Variants in LRP2 observed in about 807,000 individuals in gnomAD.
The protein encoded by LRP2 is low-density lipoprotein receptor-related protein 2.
Under a neutral mutation model 531.0 loss-of-function variants are expected in LRP2, and 172 were observed. The ratio of observed to expected loss-of-function variants is 0.32; its 90% CI spans 0.29 to 0.37. LRP2 has a LOEUF of 0.37. Among genes scored for constraint, LRP2 ranks in the 10% least tolerant of loss-of-function variants. The pLI, the probability that LRP2 is intolerant of heterozygous loss-of-function variation, is 1.00. For missense variants in LRP2, 5,167 were observed against 5,868.3 expected, an observed-to-expected ratio of 0.88 and a Z score of 3.90; for synonymous variants, 1,992 against 2,027.6, an observed-to-expected ratio of 0.98 and a Z score of 0.47.
chr2:169,328,434 G>A (rs1166420804), intron 1 of LRP2, among the ~76,000 whole-genome samples: 1 of 114,764 alleles, frequency 8.7e-6, no homozygotes, highest in African/African-American at 3.6e-5. Context: ...TTGAGAACGG[G>A]CCGGGATAAA....
At chr2:169,223,289 T>C (rs760865775) in intron 33 of LRP2, among the ~76,000 whole-genome samples, 26 of 152,292 alleles carry the variant, frequency 1.7e-4, no homozygotes, top group Non-Finnish European at 2.4e-4. Flanking sequence ...GCTCAGTTAT[T>C]CTCCAACTGG....
chr2:169,135,742 A>G (rs544104449), intron 76 of LRP2, among the ~76,000 whole-genome samples: 1 of 152,126 alleles, frequency 6.6e-6, no homozygotes, highest in Non-Finnish European at 1.5e-5. Context: ...AAGCTCCTGT[A>G]TAGACGCTCC....
chr2:169,210,047 A>C (rs532993661), intron 37 of LRP2, among the ~76,000 whole-genome samples: 1 of 152,326 alleles, frequency 6.6e-6, no homozygotes, highest in South Asian at 2.1e-4. Context: ...AAAAATAAAA[A>C]TTTGAGCCCA....
chr2:169,273,269 T>A (rs1434066102), intron 14 of LRP2, among the ~76,000 whole-genome samples: 1 of 151,918 alleles, frequency 6.6e-6, no homozygotes, highest in Non-Finnish European at 1.5e-5. Flanking sequence ...TGCTCTCCCA[T>A]CCACTCTCCA....
chr2:169,360,086 C>T (rs1278965132), intron 1 of LRP2, among the ~76,000 whole-genome samples: 1 of 145,112 alleles, frequency 6.9e-6, no homozygotes, highest in African/African-American at 2.6e-5. Flanking sequence ...GATTGCACCA[C>T]TGCACTCCAG....
Position 169,256,117 on chromosome 2 carries a change from G to A in LRP2, c.2759C>T (p.Ala920Val). Residue 920 changes from alanine to valine, a missense_variant, in exon 19 of 79, where the codon GCC becomes GTC. Around this residue, in one of 6 missense-constraint regions of LRP2, gnomAD observed 2,811 missense variants for 3,058.0 expected, o/e 0.92. Coordinates refer to ENST00000649046, the MANE Select transcript of LRP2 (RefSeq NM_004525.3). ...GCTTTAAAACATACCTCCAAAGATG[G>A]CAAGTCCAAACGGATGTGTCATCTG... ...IEQMTHPFGL[A>V]IFGEHLFFTD... 1 of 1,612,802 alleles carries A rather than the reference G, an allele frequency of 6.2e-7. No individual in the cohort carries two copies.
intron 17 of LRP2, among the ~76,000 whole-genome samples, chr2:169,258,753 T>C (rs1690414433): frequency 6.6e-6 from 1 of 152,098 alleles, no homozygotes; most frequent in African/African-American, 2.4e-5. Context: ...ATCACATTGT[T>C]TGGTCCTCTG....
rs553322177 is a variant in LRP2, at chr2:169,166,508, G to A, written c.11636-454C>T. Among the ~76,000 whole-genome samples the A allele has an allele frequency of 1.1e-4, 17 of 152,324 alleles. 1 individual carries two copies. The South Asian group carries it at 3.3e-3, about 30-fold the overall frequency. ...ACAATGGTGGCTGTGAGGCTGGACA[G>A]ACTGGCAGTACATGGACTCTTATCC... is the stretch of plus-strand genomic sequence containing the variant. On this transcript the variant is annotated intron_variant, in intron 61 of 78. Coordinates refer to ENST00000649046, the MANE Select transcript of LRP2 (RefSeq NM_004525.3).
chr2:169,336,065 A>G (rs1389610495), intron 1 of LRP2, among the ~76,000 whole-genome samples: 1 of 151,800 alleles, frequency 6.6e-6, no homozygotes, highest in Non-Finnish European at 1.5e-5. Flanking sequence ...CTAATTCTCT[A>G]AACTTTCTCT....
At chr2:169,355,556 T>C (rs944911160) in intron 1 of LRP2, among the ~76,000 whole-genome samples, 51 of 152,338 alleles carry the variant, frequency 3.3e-4, no homozygotes, top group African/African-American at 1.2e-3. Flanking sequence ...GGTTCTCCAA[T>C]GAGTTTATGA....
At chr2:169,221,176 C>A (rs1033807033) in intron 33 of LRP2, among the ~76,000 whole-genome samples, 1 of 152,114 alleles carries the variant, frequency 6.6e-6, no homozygotes, top group African/African-American at 2.4e-5. Context: ...GTAGACCTTA[C>A]GGGACTAAGA....
At chr2:169,342,420 G>C (rs1685587878) in intron 1 of LRP2, among the ~76,000 whole-genome samples, 1 of 152,016 alleles carries the variant, frequency 6.6e-6, no homozygotes, top group South Asian at 2.1e-4. Flanking sequence ...CTCATCATCT[G>C]TCACCCAGAT....
At position 169,362,488 on chromosome 2, in the gene LRP2, G is replaced by A; in HGVS notation, c.-89C>T. On this transcript the variant is annotated 5_prime_UTR_variant, in exon 1 of 79. Transcript: ENST00000649046. ...ACCGGCAGCGCCTCTGCTAGCGAAC[G>A]CTCCTTTAGGTCTGCACCTCCGCCA... 5 of 1,164,554 alleles carry A rather than the reference G, an allele frequency of 4.3e-6. No individual in the cohort carries two copies. The highest frequency in any genetic ancestry group is 5.1e-5 in the East Asian group (2 of 39,110). The allele number at this position is 1,164,554 out of a possible 1,614,324, so 72.1% of individuals were successfully genotyped here.
Position 169,181,457 on chromosome 2 carries a change from C to T in LRP2, c.10160G>A (p.Gly3387Asp). 3 of 1,614,072 alleles carry T rather than the reference C, an allele frequency of 1.9e-6. No individual in the cohort carries two copies. In the South Asian group the frequency reaches 3.3e-5, roughly 18 times the overall value. ...TTTTCTATGTACGTACTCTATGTAA[C>T]CCAGGTGGGCATCTGCCCAGTAGAG... is the stretch of plus-strand genomic sequence containing the variant. ...DLLYWADAHL[G>D]YIEYSDLEGH... is the part of the protein sequence containing the mutation. The change falls in exon 52 of 79, where the codon GGT becomes GAT. Residue 3387 changes from glycine to aspartate, a missense_variant. Gly to Asp is a moderately conservative substitution (Grantham distance 94). Coordinates refer to ENST00000649046, the MANE Select transcript of LRP2 (RefSeq NM_004525.3).
chr2:169,327,101 C>G (rs1282127908), intron 1 of LRP2, among the ~76,000 whole-genome samples: 1 of 148,170 alleles, frequency 6.7e-6, no homozygotes, highest in East Asian at 2.1e-4. Flanking sequence ...GTCAGCCCCC[C>G]GCCCGGCCAG....
At chr2:169,261,455 C>A (rs936129837) in intron 16 of LRP2, among the ~76,000 whole-genome samples, 1 of 151,608 alleles carries the variant, frequency 6.6e-6, no homozygotes, top group Non-Finnish European at 1.5e-5. Flanking sequence ...TGGCACTACA[C>A]CACACCACCA....
At chr2:169,212,887 C>G (rs1469082974) in intron 36 of LRP2, among the ~76,000 whole-genome samples, 1 of 151,406 alleles carries the variant, frequency 6.6e-6, no homozygotes, top group Non-Finnish European at 1.5e-5. Context: ...CTCATGTAAC[C>G]AAACACCACC....
At chr2:169,319,025 G>T in intron 2 of LRP2, 141 bp from the exon 3 acceptor site, 1 of 1,038,330 alleles carries the variant, frequency 9.6e-7, no homozygotes, top group Non-Finnish European at 1.4e-6. Flanking sequence ...CCTTATACTA[G>T]AGTCTGTGGA....
In LRP2 at chr2:169,138,624, C is replaced by G; in HGVS notation, c.13471G>C (p.Val4491Leu). The change falls in exon 75 of 79, where the codon GTG becomes CTG. Residue 4491 changes from valine to leucine, a missense_variant. By Grantham distance (32) the Val-to-Leu change is conservative. Transcript: ENST00000649046. ...SGADLNMDIG[V>L]SGFGPETAID... ...GCAGTCTCAGGTCCAAAACCAGACACTCCAATATCCATGTTAAGATCTGCC... is the reference window on the plus strand; with the variant it reads ...GCAGTCTCAGGTCCAAAACCAGACAGTCCAATATCCATGTTAAGATCTGCC... The G allele has an allele frequency of 5.6e-6, 9 of 1,614,052 alleles. No individual in the cohort carries two copies. The highest frequency in any genetic ancestry group is 7.6e-6 in the Non-Finnish European group (9 of 1,179,954).
Sources: allele counts gnomAD v4.1 joint callset (sites outside exome capture counted in the v4.1 genomes callset), GRCh38; gene constraint gnomAD v4.1.1; regional missense constraint gnomAD v4.1.1; transcripts MANE v1.5; gene names NCBI Gene and HGNC (gene_info 2026-07-23, HGNC 2026-07-21).